The following CWH43 variants were observed in gnomAD, a reference collection of about 807,000 sequenced individuals.
CWH43 encodes PGAP2-interacting protein.
CWH43 carries 91 observed loss-of-function variants against 85.7 expected under a neutral mutation model. The ratio of observed to expected loss-of-function variants is 1.06; its 90% confidence interval spans 0.90 to 1.26. The LOEUF is 1.26. Among genes scored for constraint, CWH43 ranks in the 50% most tolerant of loss-of-function variants. The probability of loss-of-function intolerance (pLI) is 0.00; values close to 1 mark genes in which losing one functional copy is unlikely to be tolerated. For synonymous variants in CWH43, 323 were observed against 293.6 expected (o/e 1.10, Z -1.02); for missense variants, 869 against 839.2 (o/e 1.04, Z -0.44).
At chr4:49,028,553 G>T in intron 9 of CWH43, 76 bp from the exon 10 acceptor site, 1 of 874,892 alleles carries the variant, frequency 1.1e-6, no homozygotes, top group Non-Finnish European at 1.8e-6. Flanking sequence ...TTGGTAGAGA[G>T]GAGTGGAGAA....
At chr4:49,043,705 TAAAC>T (rs1422299622) in intron 13 of CWH43, among the ~76,000 whole-genome samples, 2 of 152,174 alleles carry the variant, frequency 1.3e-5, no homozygotes, top group South Asian at 2.1e-4. Flanking sequence ...AAAAATCTGA[TAAAC>T]AAAATGATAG....
chr4:48,992,137 C>G lies in CWH43; in HGVS notation c.511+47C>G. ...TTTCTCTTTGCAGAGCTTACCTTTC[C>G]TATGTGAATGTTGCACATCTTGGAA... On this transcript the variant is annotated intron_variant, in intron 4 of 15. Transcript: ENST00000226432. This position sits in a 1 kb window ranked among gnomAD's most constrained non-coding sequence, Gnocchi z 4.3. The G allele has an allele frequency of 6.8e-7, 1 of 1,476,232 alleles. No homozygotes were observed. The highest frequency in any genetic ancestry group is 2.3e-5 in the East Asian group (1 of 43,770). The allele number at this position is 1,476,232 out of a possible 1,614,324, so 91.4% of individuals were successfully genotyped here.
At chr4:48,998,742 T>G (rs1458083410) in intron 6 of CWH43, among the ~76,000 whole-genome samples, 194 bp downstream of exon 6, 1 of 152,106 alleles carries the variant, frequency 6.6e-6, no homozygotes, top group Non-Finnish European at 1.5e-5. Context: ...AGTTCCTGCT[T>G]CCTCCTACCT....
intron 15 of CWH43, among the ~76,000 whole-genome samples, chr4:49,059,622 C>T (rs1482530112): frequency 1.3e-5 from 2 of 152,150 alleles, no homozygotes; most frequent in East Asian, 3.8e-4. Flanking sequence ...TTGGCTGGTC[C>T]AAAGATTCTC....
At chr4:49,049,121 C>T (rs992517271) in intron 14 of CWH43, among the ~76,000 whole-genome samples, 1 of 152,080 alleles carries the variant, frequency 6.6e-6, no homozygotes, top group African/African-American at 2.4e-5. Context: ...AATAAATAAC[C>T]TAGATTTGCT....
chr4:49,050,619 G>A (rs2109839563), intron 14 of CWH43, 75 bp from the exon 15 acceptor site: 1 of 1,144,592 alleles, frequency 8.7e-7, no homozygotes, highest in East Asian at 2.4e-5. Flanking sequence ...TAATAACAAA[G>A]GGGTATCACT....
intron 11 of CWH43, among the ~76,000 whole-genome samples, chr4:49,031,429 A>C (rs1784092027): frequency 6.6e-6 from 1 of 152,130 alleles, no homozygotes; most frequent in Non-Finnish European, 1.5e-5. Context: ...GGTGAGCAGG[A>C]CCCAGGACCA....
intron 9 of CWH43, among the ~76,000 whole-genome samples, chr4:49,022,017 C>T (rs1353717729): frequency 6.6e-6 from 1 of 152,058 alleles, no homozygotes; most frequent in African/African-American, 2.4e-5. Flanking sequence ...ATTTGACTTC[C>T]TCTTTATCAG....
chr4:49,007,091 C>A (rs1783183281), intron 7 of CWH43, 110 bp from the exon 8 acceptor site: 1 of 1,246,878 alleles, frequency 8.0e-7, no homozygotes, highest in Non-Finnish European at 1.1e-6. Context: ...TAAATCAGTA[C>A]ATGAATTTCC....
At chr4:48,986,874 C>A in intron 1 of CWH43, 2 of 935,848 alleles carry the variant, frequency 2.1e-6, no homozygotes, top group African/African-American at 1.8e-5. Flanking sequence ...AGGAAAGGGG[C>A]ACCCGTTTTC....
intron 15 of CWH43, among the ~76,000 whole-genome samples, chr4:49,055,203 T>A (rs1186203568): frequency 6.6e-6 from 1 of 152,118 alleles, no homozygotes; most frequent in Non-Finnish European, 1.5e-5. Context: ...TTGTTGAGAG[T>A]TTTTATCATG....
chr4:48,990,615 A>G (rs979403719), intron 2 of CWH43, among the ~76,000 whole-genome samples: 2 of 152,232 alleles, frequency 1.3e-5, no homozygotes, highest in Non-Finnish European at 2.9e-5. Flanking sequence ...CAGAAAGGCT[A>G]TAATCAAAAA....
intron 15 of CWH43, among the ~76,000 whole-genome samples, chr4:49,053,799 C>A (rs1348760568): frequency 6.6e-6 from 1 of 152,068 alleles, no homozygotes; most frequent in Non-Finnish European, 1.5e-5. Flanking sequence ...ATGCTTGGGG[C>A]ATTTCAGATT....
intron 6 of CWH43, among the ~76,000 whole-genome samples, chr4:49,002,747 A>T (rs939514059): frequency 1.3e-5 from 2 of 152,076 alleles, no homozygotes; most frequent in Non-Finnish European, 1.5e-5. Flanking sequence ...GTTCTTTTTG[A>T]AGTGGGGAGA....
intron 15 of CWH43, among the ~76,000 whole-genome samples, chr4:49,051,186 T>C (rs1176882269): frequency 2.0e-5 from 3 of 152,186 alleles, no homozygotes; most frequent in Non-Finnish European, 4.4e-5. Flanking sequence ...TAGGTGCTTT[T>C]TGTGTTGTCT....
chr4:49,033,119 C>A (rs1454083098), intron 12 of CWH43, among the ~76,000 whole-genome samples: 1 of 152,128 alleles, frequency 6.6e-6, no homozygotes, highest in Non-Finnish European at 1.5e-5. Context: ...CAGTCCCAAA[C>A]CCAGGGTTAC....
chr4:49,052,516 C>T (rs1463130819), intron 15 of CWH43, among the ~76,000 whole-genome samples: 1 of 152,086 alleles, frequency 6.6e-6, no homozygotes, highest in Non-Finnish European at 1.5e-5. Flanking sequence ...AGAAGGATTC[C>T]CTCCTTTTGC....
At chr4:48,990,513 T>G (rs534833411) in intron 2 of CWH43, among the ~76,000 whole-genome samples, 1 of 152,326 alleles carries the variant, frequency 6.6e-6, no homozygotes, top group African/African-American at 2.4e-5. Context: ...GCCATCTCAC[T>G]TCTGGCACCT....
At chr4:49,007,940 A>T (rs764366027) in intron 8 of CWH43, among the ~76,000 whole-genome samples, 43 of 152,332 alleles carry the variant, frequency 2.8e-4, no homozygotes, top group Non-Finnish European at 5.4e-4. Context: ...ATACGTGTGC[A>T]TGTATCTTTA....
Sources: allele counts gnomAD v4.1 joint callset (sites outside exome capture counted in the v4.1 genomes callset), GRCh38; gene constraint gnomAD v4.1.1; non-coding constraint Gnocchi (gnomAD v3.1); transcripts MANE v1.5; gene names NCBI Gene and HGNC (gene_info 2026-07-23, HGNC 2026-07-21).